Variants in EIF1AX observed in about 807,000 individuals in gnomAD.
The protein encoded by EIF1AX is eukaryotic translation initiation factor 1A, X-chromosomal.
In EIF1AX, 1 loss-of-function variant was observed where a neutral mutation model predicts 16.1. That is an observed-to-expected ratio of 0.06 (90% CI 0.02 to 0.30). The LOEUF is 0.30. EIF1AX is among the 10% of genes least tolerant of loss of function. The pLI, the probability that EIF1AX is intolerant of heterozygous loss-of-function variation, is 1.00. For missense variants in EIF1AX, 11 were observed against 109.1 expected (o/e 0.10, Z 4.00); for synonymous variants, 32 against 37.3 (o/e 0.86, Z 0.51).
chrX:20,137,639 C>T (rs2067021360), intron 2 of EIF1AX, among the ~76,000 whole-genome samples: 1 of 111,471 alleles, frequency 9.0e-6, no homozygotes, highest in Admixed American at 9.5e-5. Context: ...TGGTCTGGCA[C>T]TTACAATATT....
chrX:20,131,768 C>T (rs2067002302), intron 5 of EIF1AX, among the ~76,000 whole-genome samples: 1 of 101,445 alleles, frequency 9.9e-6, no homozygotes, highest in Non-Finnish European at 2.0e-5. Flanking sequence ...TCATAGGTCA[C>T]TGCATCCTTG....
At chrX:20,131,230 T>A (rs1454121507) in intron 5 of EIF1AX, among the ~76,000 whole-genome samples, 1 of 112,300 alleles carries the variant, frequency 8.9e-6, no homozygotes, top group East Asian at 2.7e-4. Context: ...GCGTTAAGAA[T>A]TCATTACTTT....
chrX:20,129,576 T>TA (rs1296334605), intron 6 of EIF1AX, among the ~76,000 whole-genome samples: 3 of 112,643 alleles, frequency 2.7e-5, no homozygotes, highest in African/African-American at 9.7e-5. Flanking sequence ...TCAATTACAG[T>TA]AACAGCAGAA....
intron 2 of EIF1AX, among the ~76,000 whole-genome samples, chrX:20,137,319 G>A (rs976663800): frequency 1.8e-5 from 2 of 111,106 alleles, no homozygotes; most frequent in Admixed American, 9.5e-5. Context: ...GGTGGCGGGT[G>A]CCTGTAGTCC....
chrX:20,141,775 G>A lies in EIF1AX; in HGVS notation c.-135C>T. On this transcript the variant is annotated 5_prime_UTR_variant, in exon 1 of 7. Transcript: ENST00000379607. ...GCTGGAGGCCAGGCAACGTGCGCGG[G>A]AGAGGCTGGCGACCCAGCTCTTCAG... The A allele has an allele frequency of 1.5e-6, 1 of 648,214 alleles. No individual in the cohort carries two copies. Among genetic ancestry groups the A allele is most frequent in the Non-Finnish European group, 2.2e-6 (1 of 450,380 alleles). The allele number at this position is 648,214 out of a possible 1,213,427, so 53.4% of individuals were successfully genotyped here.
chrX:20,137,952 G>A (rs1029706202), intron 2 of EIF1AX, among the ~76,000 whole-genome samples: 27 of 105,753 alleles, frequency 2.6e-4, no homozygotes, highest in African/African-American at 8.0e-4. Context: ...CCAGGAGTTC[G>A]AGAATAGCCA....
Position 20,141,755 on chromosome X carries a change from A to C in EIF1AX, c.-115T>G. On this transcript the variant is annotated 5_prime_UTR_variant, in exon 1 of 7. Coordinates refer to ENST00000379607, the MANE Select transcript of EIF1AX (RefSeq NM_001412.4). ...GCGCGCGGGACCAAGTAGGTGCTGG[A>C]GGCCAGGCAACGTGCGCGGGAGAGG... 1 of 764,002 alleles carries C rather than the reference A, an allele frequency of 1.3e-6. No homozygotes were observed. Among genetic ancestry groups the C allele is most frequent in the Non-Finnish European group, 1.8e-6 (1 of 548,316 alleles). The allele number at this position is 764,002 out of a possible 1,213,427, so 63.0% of individuals were successfully genotyped here.
chrX:20,139,763 T>C (rs750344956), intron 1 of EIF1AX, among the ~76,000 whole-genome samples: 23 of 111,723 alleles, frequency 2.1e-4, no homozygotes, highest in Non-Finnish European at 3.8e-4. Context: ...TTTCAGACAG[T>C]ACAGGAATGA....
At chrX:20,135,680 G>A (rs191689440) in intron 3 of EIF1AX, 58 bp downstream of exon 3, 2 of 894,479 alleles carry the variant, frequency 2.2e-6, no homozygotes, top group Non-Finnish European at 3.3e-6. Flanking sequence ...GTTAAAAACT[G>A]TAGAGGGATT....
intron 5 of EIF1AX, 60 bp from the exon 6 acceptor site, chrX:20,130,667 A>T: frequency 4.8e-6 from 5 of 1,040,731 alleles, no homozygotes; most frequent in Non-Finnish European, 6.3e-6. Context: ...AAGTTTCATC[A>T]TAAGAGCATT....
At chrX:20,132,377 TTC>T in intron 4 of EIF1AX, 114 bp from the exon 5 acceptor site, 2 of 530,993 alleles carry the variant, frequency 3.8e-6, no homozygotes, top group Admixed American at 8.0e-5. Flanking sequence ...CTATAAATCT[TTC>T]TCCTTTTAAA....
chrX:20,130,333 A>G (rs916368775), intron 6 of EIF1AX, among the ~76,000 whole-genome samples, 183 bp downstream of exon 6: 1 of 96,171 alleles, frequency 1.0e-5, no homozygotes, highest in Non-Finnish European at 2.0e-5. Context: ...AAAAAAAAAG[A>G]ATTCTCAAAA....
intron 3 of EIF1AX, 62 bp downstream of exon 3, chrX:20,135,676 A>G: frequency 1.1e-6 from 1 of 880,996 alleles, no homozygotes; most frequent in Non-Finnish European, 1.7e-6. Context: ...GACAGTTAAA[A>G]ACTGTAGAGG....
intron 6 of EIF1AX, among the ~76,000 whole-genome samples, chrX:20,130,302 CAAAAA>C (rs773734086): frequency 6.0e-4 from 17 of 28,476 alleles, no homozygotes; most frequent in African/African-American, 1.1e-3. Context: ...AACTCCATCA[CAAAAA>C]AAAAAAAAAA....
intron 4 of EIF1AX, among the ~76,000 whole-genome samples, chrX:20,133,028 T>A (rs2067005559): frequency 9.0e-6 from 1 of 111,464 alleles, no homozygotes; most frequent in African/African-American, 3.3e-5. Flanking sequence ...GAACCTGTAT[T>A]TCTAACAAGC....
At position 20,124,704 on chromosome X, in the gene EIF1AX, TTAA is replaced by T. The variant is rs771736305; in HGVS notation, c.*3599_*3601del. On this transcript the variant is annotated 3_prime_UTR_variant, in exon 7 of 7. Transcript: ENST00000379607. ...TAAAATATTATCAGAGGTATCAATA[TTAA>T]TAACTATAATCTTTTTCTAAAGAAA... 1.1e-4 allele frequency: 16 copies of T among 140,667 alleles called. No homozygotes were observed. Among genetic ancestry groups the T allele is most frequent in the Non-Finnish European group, 2.0e-4 (14 of 70,325 alleles). The allele number at this position is 140,667 out of a possible 1,213,427, so 11.6% of individuals were successfully genotyped here.
intron 6 of EIF1AX, among the ~76,000 whole-genome samples, 164 bp downstream of exon 6, chrX:20,130,352 G>GT (rs1415415527): frequency 1.1e-5 from 1 of 87,879 alleles, no homozygotes; most frequent in Non-Finnish European, 2.2e-5. Flanking sequence ...AATATAAACA[G>GT]TTTGACCAGG....
chrX:20,128,105 C>A lies in EIF1AX; in HGVS notation c.*201G>T, dbSNP rs1435661154. On this transcript the variant is annotated 3_prime_UTR_variant, in exon 7 of 7. Coordinates refer to ENST00000379607, the MANE Select transcript of EIF1AX (RefSeq NM_001412.4). ...CATAAGCTCCATTACATTAAAAGAA[C>A]AAAGTGGGCTTAACATCTCACTTAA... 5.4e-4 allele frequency: 156 copies of A among 290,047 alleles called. No individual in the cohort carries two copies. The East Asian group carries it at 7.8e-3, about 14-fold the overall frequency. The allele number at this position is 290,047 out of a possible 1,213,427, so 23.9% of individuals were successfully genotyped here.
chrX:20,138,774 A>G (rs1177923150), intron 1 of EIF1AX, 152 bp from the exon 2 acceptor site: 2 of 411,298 alleles, frequency 4.9e-6, no homozygotes, highest in East Asian at 8.6e-5. Flanking sequence ...ATCATATTAA[A>G]TTTACAATCT....
Sources: gnomAD v4.1 joint callset for allele counts (sites outside exome capture counted in the v4.1 genomes callset) on GRCh38, gnomAD v4.1.1 for gene constraint, MANE v1.5 for transcripts, NCBI Gene and HGNC (gene_info 2026-07-23, HGNC 2026-07-21) for gene names.